The following LRFN5 variants were observed in gnomAD, a reference collection of about 807,000 sequenced individuals.
LRFN5 encodes the protein leucine rich repeat and fibronectin type III domain containing 5.
A neutral mutation model predicts 45.6 loss-of-function variants in LRFN5; 24 were observed. The ratio of observed to expected loss-of-function variants is 0.53; its 90% CI spans 0.38 to 0.74. The LOEUF (loss-of-function observed/expected upper bound fraction) is 0.74, where lower values mean the gene tolerates loss of function less well. Ranked by LOEUF, LRFN5 falls within the 30% of genes least tolerant of loss-of-function variation. LRFN5 has a pLI of 0.00. For synonymous variants in LRFN5, 340 were observed against 313.8 expected (o/e 1.08, Z -0.88); for missense variants, 776 against 861.5 (o/e 0.90, Z 1.24).
At chr14:41,890,048 G>A (rs1890720416) in intron 3 of LRFN5, among the ~76,000 whole-genome samples, 1 of 152,030 alleles carries the variant, frequency 6.6e-6, no homozygotes, top group Non-Finnish European at 1.5e-5. Flanking sequence ...ATTTTTATTA[G>A]AGACGGTGTT....
At chr14:41,627,780 A>C (rs1888385206) in intron 1 of LRFN5, among the ~76,000 whole-genome samples, 1 of 152,134 alleles carries the variant, frequency 6.6e-6, no homozygotes, top group Non-Finnish European at 1.5e-5. Flanking sequence ...TCTTTAGTGG[A>C]TATTGTAGTG....
intron 2 of LRFN5, among the ~76,000 whole-genome samples, chr14:41,784,778 A>C (rs1197487212): frequency 6.6e-6 from 1 of 151,802 alleles, no homozygotes; most frequent in East Asian, 1.9e-4. Flanking sequence ...ACAGGTACGC[A>C]CCACTATACC....
At chr14:41,609,245 A>G (rs1887629446) in intron 1 of LRFN5, among the ~76,000 whole-genome samples, 1 of 152,192 alleles carries the variant, frequency 6.6e-6, no homozygotes, top group Admixed American at 6.5e-5. Flanking sequence ...ACCAGGCTAA[A>G]ACGATAGCCA....
intron 1 of LRFN5, among the ~76,000 whole-genome samples, chr14:41,736,361 G>A (rs144116664): frequency 6.6e-5 from 10 of 152,202 alleles, no homozygotes; most frequent in Non-Finnish European, 1.5e-4. Context: ...AACCAGTGAT[G>A]ATGAGCTTTT....
At chr14:41,795,310 C>T (rs1209702528) in intron 2 of LRFN5, among the ~76,000 whole-genome samples, 1 of 152,010 alleles carries the variant, frequency 6.6e-6, no homozygotes, top group African/African-American at 2.4e-5. Context: ...GAAATAGGAA[C>T]AATTTTACAC....
intron 2 of LRFN5, among the ~76,000 whole-genome samples, chr14:41,848,793 C>G (rs1043810894): frequency 1.3e-5 from 2 of 152,084 alleles, no homozygotes; most frequent in Non-Finnish European, 1.5e-5. Flanking sequence ...AACCAAGACA[C>G]TGGCAGAGTA....
intron 1 of LRFN5, among the ~76,000 whole-genome samples, chr14:41,675,047 C>T (rs183105542): frequency 0.05 from 7,645 of 152,074 alleles, 257 homozygotes; most frequent in Non-Finnish European, 0.074. Context: ...GATGGGATGG[C>T]GGCCAGGAAG....
rs148417615 is a variant in LRFN5 at position 41,667,704 on chromosome 14, A to AG, written c.-197+59143dup. Among the ~76,000 whole-genome samples, 1,085 of 152,238 alleles carry AG rather than the reference A, an allele frequency of 7.1e-3. 11 individuals carry two copies. Among genetic ancestry groups the AG allele is most frequent in the African/African-American group, 0.025 (1,038 of 41,552 alleles). ...CCTCTATCTATAAAATTCTTTGATT[A>AG]GCCAGTATCTGTTAATGGGCCTGTA... On this transcript the variant is annotated intron_variant, in intron 1 of 5. Coordinates refer to ENST00000298119, the MANE Select transcript of LRFN5 (RefSeq NM_152447.5).
Position 41,734,344 on chromosome 14 carries a change from A to ATATATT in LRFN5, c.-196-32509_-196-32508insATATTT, listed in dbSNP as rs1428416141. On this transcript the variant is annotated intron_variant, in intron 1 of 5. Coordinates refer to ENST00000298119, the MANE Select transcript of LRFN5 (RefSeq NM_152447.5). ...TATATATATATATATATATATATAT[A>ATATATT]TTTAAATTTGCTGTAACTTATTGAT... is the stretch of plus-strand genomic sequence containing the variant. Among the ~76,000 whole-genome samples the ATATATT allele has an allele frequency of 2.4e-4, 25 of 105,956 alleles. No homozygotes were observed. The East Asian group carries it at 3.1e-3, about 13-fold the overall frequency. The allele number at this position is 105,956 out of a possible 152,430, so 69.5% of individuals were successfully genotyped here. A position where few individuals can be genotyped will look rare whatever the true frequency, so the allele number is the denominator to read the frequency against.
intron 2 of LRFN5, among the ~76,000 whole-genome samples, chr14:41,807,899 G>A (rs759212694): frequency 3.3e-5 from 5 of 151,906 alleles, no homozygotes; most frequent in Non-Finnish European, 5.9e-5. Flanking sequence ...TGACGCCATC[G>A]AAGTGAATAA....
chr14:41,819,041 C>T (rs993170848), intron 2 of LRFN5, among the ~76,000 whole-genome samples: 5 of 152,144 alleles, frequency 3.3e-5, no homozygotes, highest in Non-Finnish European at 4.4e-5. Flanking sequence ...GCCTCCAGTT[C>T]TGTCCATATT....
At chr14:41,826,608 G>A (rs760566118) in intron 2 of LRFN5, among the ~76,000 whole-genome samples, 1 of 152,048 alleles carries the variant, frequency 6.6e-6, no homozygotes, top group African/African-American at 2.4e-5. Flanking sequence ...ATGTTTCGAT[G>A]TTGAATATAT....
At position 41,756,461 on chromosome 14, in the gene LRFN5, T is replaced by C. The variant is rs1211771609; in HGVS notation, c.-196-10393T>C. 2.6e-5 allele frequency among the ~76,000 whole-genome samples: 4 copies of C among 152,310 alleles called. 1 individual carries two copies. The highest frequency in any genetic ancestry group is 9.6e-5 in the African/African-American group (4 of 41,568). On this transcript the variant is annotated intron_variant, in intron 1 of 5. Coordinates refer to ENST00000298119, the MANE Select transcript of LRFN5 (RefSeq NM_152447.5). ...CCATATTTCTTGGAGGCTTTATTCG[T>C]TTCTTTTTTATTCTTTTTTCTCTAA...
chr14:41,621,590 T>C (rs754687980), intron 1 of LRFN5, among the ~76,000 whole-genome samples: 5 of 152,092 alleles, frequency 3.3e-5, no homozygotes, highest in East Asian at 1.9e-4. Context: ...TCAGGTTCTG[T>C]AACTCGCATT....
intron 2 of LRFN5, among the ~76,000 whole-genome samples, chr14:41,772,627 A>G (rs1886130885): frequency 1.3e-5 from 2 of 152,214 alleles, no homozygotes; most frequent in East Asian, 1.9e-4. Flanking sequence ...ACAAATTTGT[A>G]TAGCACAGAC....
chr14:41,811,479 A>T (rs748805527), intron 2 of LRFN5, among the ~76,000 whole-genome samples: 2 of 152,144 alleles, frequency 1.3e-5, no homozygotes, highest in African/African-American at 4.8e-5. Flanking sequence ...ACAACTGTTT[A>T]TAGCAGCATA....
Position 41,887,947 on chromosome 14 carries a change from T to A in LRFN5, c.1322T>A (p.Ile441Asn), listed in dbSNP as rs771414655. ...ALLKFNFQRN[I>N]PGIRMFQIQY... is the part of the protein sequence containing the mutation. Reference sequence around the variant, plus strand: ...CTTAAATTTAATTTTCAAAGAAATATCCCTGGAATACGTATGTTTCAAATC... The same window carrying A: ...CTTAAATTTAATTTTCAAAGAAATAACCCTGGAATACGTATGTTTCAAATC... The change falls in exon 3 of 6, where the codon ATC becomes AAC. Residue 441 changes from isoleucine (I) to asparagine (N), a missense_variant. Physicochemically the swap from Ile to Asn is moderately radical, Grantham distance 149. Coordinates refer to ENST00000298119, the MANE Select transcript of LRFN5 (RefSeq NM_152447.5). The surrounding 1 kb of genome is among the most constrained non-coding windows in gnomAD (Gnocchi z 4.8). 6.2e-7 allele frequency: 1 copy of A among 1,613,850 alleles called. No individual in the cohort carries two copies. The highest frequency in any genetic ancestry group is 2.2e-5 in the East Asian group (1 of 44,856).
At chr14:41,609,306 CCTT>C (rs1237844738) in intron 1 of LRFN5, among the ~76,000 whole-genome samples, 1 of 151,334 alleles carries the variant, frequency 6.6e-6, no homozygotes, top group African/African-American at 2.4e-5. Flanking sequence ...ACACGCAACT[CCTT>C]TGCGCGTTTT....
intron 1 of LRFN5, among the ~76,000 whole-genome samples, chr14:41,708,096 A>G (rs2138740092): frequency 6.6e-6 from 1 of 152,184 alleles, no homozygotes; most frequent in Non-Finnish European, 1.5e-5. Context: ...TAAGTACCAA[A>G]ATGTACAGTA....
Sources: gnomAD v4.1 joint callset for allele counts (sites outside exome capture counted in the v4.1 genomes callset) on GRCh38, gnomAD v4.1.1 for gene constraint, Gnocchi (gnomAD v3.1) non-coding constraint, MANE v1.5 for transcripts, NCBI Gene and HGNC (gene_info 2026-07-23, HGNC 2026-07-21) for gene names.